ANKS1B: variants seen among roughly 807,000 people sequenced by gnomAD.
ANKS1B encodes the protein ankyrin repeat and sterile alpha motif domain containing 1B.
In ANKS1B, 36 loss-of-function variants were observed where a neutral mutation model predicts 148.3. That is an observed-to-expected ratio of 0.24 (90% CI 0.19 to 0.32). ANKS1B has a LOEUF of 0.32. ANKS1B is among the 10% of genes least tolerant of loss of function. ANKS1B has a pLI of 1.00. For synonymous variants in ANKS1B, 542 were observed against 560.8 expected (o/e 0.97, Z 0.47); for missense variants, 1,157 against 1,542.6 (o/e 0.75, Z 4.19).
At chr12:99,664,938 T>C (rs1271348392) in intron 8 of ANKS1B, among the ~76,000 whole-genome samples, 2 of 152,228 alleles carry the variant, frequency 1.3e-5, no homozygotes, top group Non-Finnish European at 2.9e-5. Flanking sequence ...ATTCCTACTT[T>C]TGCATATCAG....
intron 12 of ANKS1B, among the ~76,000 whole-genome samples, chr12:99,375,295 G>T (rs76793493): frequency 1.6e-4 from 24 of 152,310 alleles, no homozygotes; most frequent in African/African-American, 5.5e-4. Flanking sequence ...AATATGCCCT[G>T]GGAGGAAGGG....
At chr12:99,712,100 A>C (rs2056717311) in intron 8 of ANKS1B, among the ~76,000 whole-genome samples, 1 of 152,206 alleles carries the variant, frequency 6.6e-6, no homozygotes, top group Non-Finnish European at 1.5e-5. Context: ...AAGAACAGAA[A>C]ACCAAACATT....
chr12:98,875,702 C>G (rs1272424917), intron 17 of ANKS1B, among the ~76,000 whole-genome samples: 1 of 152,144 alleles, frequency 6.6e-6, no homozygotes, highest in Non-Finnish European at 1.5e-5. Flanking sequence ...CTGGGACACA[C>G]AGTAGGCCCG....
intron 1 of ANKS1B, among the ~76,000 whole-genome samples, chr12:99,932,513 C>T (rs1017445474): frequency 9.2e-5 from 14 of 152,128 alleles, no homozygotes; most frequent in Admixed American, 9.2e-4. Context: ...ATTTGCATTT[C>T]TCTGATGATC....
intron 1 of ANKS1B, among the ~76,000 whole-genome samples, chr12:99,980,698 TA>T (rs1323381275): frequency 6.6e-6 from 1 of 152,002 alleles, no homozygotes; most frequent in African/African-American, 2.4e-5. Context: ...TCTTGCCATA[TA>T]AAAGGTTAAC....
chr12:99,333,931 A>G (rs1211371523), intron 12 of ANKS1B, among the ~76,000 whole-genome samples: 1 of 147,984 alleles, frequency 6.8e-6, no homozygotes, highest in Non-Finnish European at 1.5e-5. Context: ...CATATACCTC[A>G]ACTGCTGCCA....
At chr12:98,836,074 C>T (rs752548021) in intron 17 of ANKS1B, among the ~76,000 whole-genome samples, 2 of 152,144 alleles carry the variant, frequency 1.3e-5, no homozygotes, top group African/African-American at 2.4e-5. Flanking sequence ...AGGTACATGG[C>T]TAGGATGTGC....
At chr12:99,036,067 T>A (rs190869863) in intron 17 of ANKS1B, among the ~76,000 whole-genome samples, 4 of 152,310 alleles carry the variant, frequency 2.6e-5, no homozygotes, top group African/African-American at 9.6e-5. Flanking sequence ...GGCCTGCACC[T>A]CTCTGCATTC....
At chr12:99,571,210 G>A (rs1193113833) in intron 9 of ANKS1B, among the ~76,000 whole-genome samples, 1 of 151,972 alleles carries the variant, frequency 6.6e-6, no homozygotes, top group African/African-American at 2.4e-5. Context: ...CATAACATGT[G>A]TATAAAATCT....
chr12:99,128,110 A>G (rs775602697), intron 15 of ANKS1B, among the ~76,000 whole-genome samples: 4 of 152,202 alleles, frequency 2.6e-5, no homozygotes, highest in Admixed American at 6.5e-5. Context: ...AAGAAAGTTT[A>G]TTGACTAGAA....
intron 9 of ANKS1B, among the ~76,000 whole-genome samples, chr12:99,591,899 A>G (rs915848393): frequency 6.6e-6 from 1 of 152,166 alleles, no homozygotes. Flanking sequence ...CTAGGCTATT[A>G]AACAATCTTT....
intron 1 of ANKS1B, among the ~76,000 whole-genome samples, chr12:99,926,682 T>A (rs2094484731): frequency 6.6e-6 from 1 of 152,210 alleles, no homozygotes; most frequent in South Asian, 2.1e-4. Context: ...AATGCCTTTA[T>A]ATACATATGC....
chr12:99,381,585 A>G (rs544537040), intron 12 of ANKS1B, among the ~76,000 whole-genome samples: 34 of 152,190 alleles, frequency 2.2e-4, no homozygotes, highest in Non-Finnish European at 4.1e-4. Context: ...CAGACTGGTC[A>G]AGTAAAATAA....
At chr12:99,957,004 T>C (rs2095334326) in intron 1 of ANKS1B, among the ~76,000 whole-genome samples, 1 of 152,326 alleles carries the variant, frequency 6.6e-6, no homozygotes, top group African/African-American at 2.4e-5. Context: ...AGTGGAGTCT[T>C]ACAGAGCTGG....
At chr12:99,382,313 C>T (rs938169330) in intron 12 of ANKS1B, among the ~76,000 whole-genome samples, 2 of 152,088 alleles carry the variant, frequency 1.3e-5, no homozygotes, top group East Asian at 3.9e-4. Context: ...AGTCAGGTAA[C>T]AACTAATGTC....
At chr12:99,126,456 C>T (rs937680693) in intron 15 of ANKS1B, among the ~76,000 whole-genome samples, 1 of 152,180 alleles carries the variant, frequency 6.6e-6, no homozygotes, top group South Asian at 2.1e-4. Flanking sequence ...TGTGCAATTC[C>T]GTAAAATATT....
At chr12:98,911,167 G>A (rs760513318) in intron 17 of ANKS1B, among the ~76,000 whole-genome samples, 4 of 152,012 alleles carry the variant, frequency 2.6e-5, no homozygotes, top group Non-Finnish European at 4.4e-5. Flanking sequence ...CCTAACCAAA[G>A]TTTCCTTGGA....
intron 16 of ANKS1B, among the ~76,000 whole-genome samples, chr12:99,068,830 G>A (rs532837014): frequency 1.3e-5 from 2 of 152,066 alleles, no homozygotes; most frequent in African/African-American, 4.8e-5. Flanking sequence ...TGTCTGAAGT[G>A]ACTCCTTCAA....
intron 10 of ANKS1B, among the ~76,000 whole-genome samples, chr12:99,456,582 C>A (rs1776291358): frequency 6.6e-6 from 1 of 151,964 alleles, no homozygotes; most frequent in Non-Finnish European, 1.5e-5. Flanking sequence ...AAAAAAATCA[C>A]AACTTCTGGA....
Sources: allele counts gnomAD v4.1 joint callset (sites outside exome capture counted in the v4.1 genomes callset), GRCh38; gene constraint gnomAD v4.1.1; transcripts MANE v1.5; gene names NCBI Gene and HGNC (gene_info 2026-07-23, HGNC 2026-07-21).